SLC27A2: variants seen among roughly 807,000 people sequenced by gnomAD.
SLC27A2 encodes long-chain fatty acid transport protein 2.
In SLC27A2, 54 loss-of-function variants were observed where a neutral mutation model predicts 60.0. That is an observed-to-expected ratio of 0.90 (90% CI 0.72 to 1.13). The LOEUF is 1.13. Ranked by LOEUF, SLC27A2 falls within the 50% of genes most tolerant of loss-of-function variation. The pLI is 0.00. For synonymous variants in SLC27A2, 297 were observed against 297.6 expected, an observed-to-expected ratio of 1.00 and a Z score of 0.02; for missense variants, 739 against 777.6, an observed-to-expected ratio of 0.95 and a Z score of 0.59.
intron 1 of SLC27A2, among the ~76,000 whole-genome samples, chr15:50,192,041 C>T (rs1490913429): frequency 3.5e-5 from 5 of 143,666 alleles, no homozygotes. Flanking sequence ...GCCTGGATGA[C>T]AGAGTGAGAC....
chr15:50,229,387 A>G (rs1452563337), intron 8 of SLC27A2, among the ~76,000 whole-genome samples: 1 of 152,244 alleles, frequency 6.6e-6, no homozygotes, highest in Non-Finnish European at 1.5e-5. Context: ...CTAGGAGGCA[A>G]AAAGAAGAGC....
At chr15:50,224,662 C>T (rs555479542) in intron 5 of SLC27A2, among the ~76,000 whole-genome samples, 95 of 152,282 alleles carry the variant, frequency 6.2e-4, no homozygotes, top group African/African-American at 1.9e-3. Context: ...TCTAGACCTG[C>T]GCTGTCCAAA....
chr15:50,205,291 C>T lies in SLC27A2; in HGVS notation c.900C>T (p.Asp300=). The change falls in exon 4 of 10, where the codon GAC becomes GAT. Residue 300 remains aspartate, a synonymous_variant. Transcript: ENST00000267842. ...TTTCAGCCAGCCAGTTTTGGGATGA[C>T]TGCAGAAAATACAACGTCACTGTCA... The part of the protein sequence containing the change: ...TKFSASQFWD[D]CRKYNVTVIQ... 6.2e-7 allele frequency: 1 copy of T among 1,610,834 alleles called. No individual in the cohort carries two copies. The highest frequency in any genetic ancestry group is 1.3e-5 in the African/African-American group (1 of 74,998).
chr15:50,204,091 C>T (rs777958773), intron 3 of SLC27A2, among the ~76,000 whole-genome samples: 2 of 152,118 alleles, frequency 1.3e-5, no homozygotes, highest in Non-Finnish European at 2.9e-5. Flanking sequence ...ACTTTTTAAG[C>T]ACCAGGACAC....
chr15:50,194,197 A>G (rs1312099169), intron 1 of SLC27A2, among the ~76,000 whole-genome samples: 2 of 152,154 alleles, frequency 1.3e-5, no homozygotes, highest in Non-Finnish European at 2.9e-5. Flanking sequence ...AAGCGCCCTG[A>G]TAATTGTAAA....
intron 4 of SLC27A2, among the ~76,000 whole-genome samples, chr15:50,211,963 C>T (rs145660324): frequency 0.17 from 25,872 of 148,726 alleles, 2,494 homozygotes; most frequent in South Asian, 0.29. Flanking sequence ...CCCAGCTACT[C>T]GGGAGGCTGA....
At chr15:50,223,289 GAGA>G (rs2045256996) in intron 5 of SLC27A2, 130 bp downstream of exon 5, 2 of 596,832 alleles carry the variant, frequency 3.4e-6, no homozygotes, top group African/African-American at 3.8e-5. Flanking sequence ...CTATCACCAA[GAGA>G]AGTTTTGCTC....
rs1178150779 is a variant in SLC27A2, at chr15:50,182,518, G to C, written c.91G>C (p.Gly31Arg). ...CTGCCCATACTTCTTCCAGGACATA[G>C]GCTACTTCTTGAAGGTGGCCGCCGT... ...LCCPYFFQDIGYFLKVAAVGR... is the reference protein window; with the variant it reads ...LCCPYFFQDIRYFLKVAAVGR... The change falls in exon 1 of 10, where the codon GGC (glycine) becomes CGC (arginine). Residue 31 changes from glycine (G) to arginine (R), a missense_variant. Coordinates refer to ENST00000267842, the MANE Select transcript of SLC27A2 (RefSeq NM_003645.4). 4.3e-6 allele frequency: 7 copies of C among 1,612,440 alleles called. No individual in the cohort carries two copies. Among genetic ancestry groups the C allele is most frequent in the Non-Finnish European group, 5.9e-6 (7 of 1,179,342 alleles).
At chr15:50,209,895 G>C (rs1036080859) in intron 4 of SLC27A2, among the ~76,000 whole-genome samples, 1 of 152,112 alleles carries the variant, frequency 6.6e-6, no homozygotes, top group Non-Finnish European at 1.5e-5. Flanking sequence ...CAGAAACTAA[G>C]AGACATTGCA....
At position 50,235,970 on chromosome 15, in the gene SLC27A2, G is replaced by A. The variant is rs546596053; in HGVS notation, c.1737G>A (p.Val579=). 1.7e-5 allele frequency: 28 copies of A among 1,613,948 alleles called. 1 individual carries two copies. In the East Asian group the frequency reaches 3.6e-4, roughly 21 times the overall value. ...TTAAACACCGCAAAATGACCCTGGT[G>A]GAGGAGGGCTTTAACCCTGCTGTCA... is the stretch of plus-strand genomic sequence containing the variant. The part of the protein sequence containing the change: ...GTFKHRKMTL[V]EEGFNPAVIK... Residue 579 remains valine, a synonymous_variant, in exon 10 of 10, where the codon GTG becomes GTA. Coordinates refer to ENST00000267842, the MANE Select transcript of SLC27A2 (RefSeq NM_003645.4).
At chr15:50,194,713 G>A (rs1424726700) in intron 1 of SLC27A2, among the ~76,000 whole-genome samples, 1 of 152,172 alleles carries the variant, frequency 6.6e-6, no homozygotes, top group Non-Finnish European at 1.5e-5. Context: ...AGGAGTGGAT[G>A]CTACCACTCC....
intron 3 of SLC27A2, 26 bp from the exon 4 acceptor site, chr15:50,205,213 T>C: frequency 2.5e-6 from 4 of 1,573,222 alleles, no homozygotes; most frequent in Non-Finnish European, 3.5e-6. Flanking sequence ...ATTTCTTTCT[T>C]GACACTTTCT....
chr15:50,196,759 T>C (rs538113430), intron 1 of SLC27A2, among the ~76,000 whole-genome samples: 7 of 152,338 alleles, frequency 4.6e-5, no homozygotes, highest in South Asian at 4.1e-4. Flanking sequence ...TCCTTTTTTT[T>C]CCCTCAGATT....
intron 4 of SLC27A2, among the ~76,000 whole-genome samples, chr15:50,206,912 G>A (rs933625421): frequency 7.2e-5 from 11 of 152,158 alleles, no homozygotes; most frequent in Non-Finnish European, 1.3e-4. Flanking sequence ...ATAGATTCTC[G>A]AGGATCATCA....
At chr15:50,204,248 TGAGGTCAG>T (rs1331808293) in intron 3 of SLC27A2, among the ~76,000 whole-genome samples, 1 of 151,926 alleles carries the variant, frequency 6.6e-6, no homozygotes, top group Non-Finnish European at 1.5e-5. Flanking sequence ...GCGAATCACT[TGAGGTCAG>T]GAGTTTGAGA....
intron 1 of SLC27A2, among the ~76,000 whole-genome samples, chr15:50,184,670 C>A (rs1489278423): frequency 6.6e-6 from 1 of 150,706 alleles, no homozygotes; most frequent in African/African-American, 2.4e-5. Flanking sequence ...AACCCCGTCT[C>A]GACTAAAAAA....
chr15:50,204,527 A>G (rs986908019), intron 3 of SLC27A2, among the ~76,000 whole-genome samples: 1 of 151,852 alleles, frequency 6.6e-6, no homozygotes, highest in African/African-American at 2.4e-5. Context: ...AGGTCAGGAG[A>G]TTGAGACCAT....
At chr15:50,203,611 T>C (rs1468020407) in intron 3 of SLC27A2, among the ~76,000 whole-genome samples, 2 of 152,154 alleles carry the variant, frequency 1.3e-5, no homozygotes, top group African/African-American at 4.8e-5. Flanking sequence ...TATGTATATA[T>C]AAAAATATAT....
Position 50,233,833 on chromosome 15 carries a change from T to G in SLC27A2, c.1556-35T>G, listed in dbSNP as rs16963464. The G allele has an allele frequency of 8.4e-5, 133 of 1,580,322 alleles. 1 individual carries two copies. In the South Asian group the frequency reaches 1.5e-3, roughly 17 times the overall value. On this transcript the variant is annotated intron_variant, in intron 8 of 9. Transcript: ENST00000267842. ...AACTAATAAAGCATCATAAATAGCC[T>G]TAACACTTCTAATTTTTTCTCACTT... is the stretch of plus-strand genomic sequence containing the variant.
Sources: gnomAD v4.1 joint callset for allele counts (sites outside exome capture counted in the v4.1 genomes callset) on GRCh38, gnomAD v4.1.1 for gene constraint, MANE v1.5 for transcripts, NCBI Gene and HGNC (gene_info 2026-07-23, HGNC 2026-07-21) for gene names.